Variants in MSH5 observed in about 807,000 individuals in gnomAD.
MSH5 encodes mutS protein homolog 5.
A neutral mutation model predicts 107.7 loss-of-function variants in MSH5; 78 were observed. The observed-to-expected ratio is 0.72, with a 90% CI of 0.60 to 0.87. The LOEUF is 0.87. Ranked by LOEUF, MSH5 falls within the 40% of genes least tolerant of loss-of-function variation. The probability of loss-of-function intolerance (pLI) is 0.00; values close to 1 mark genes in which losing one functional copy is unlikely to be tolerated. For missense variants in MSH5, 889 were observed against 1,046.6 expected (o/e 0.85, Z 2.08); for synonymous variants, 326 against 399.5 (o/e 0.82, Z 2.19).
At chr6:31,746,188 C>G (rs1809449455) in intron 9 of MSH5, 2 of 151,300 alleles carry the variant, frequency 1.3e-5, no homozygotes, top group Admixed American at 6.6e-5. Flanking sequence ...CCTCTGCCTC[C>G]TGGGTTCAAG....
intron 23 of MSH5, 35 bp from the exon 24 acceptor site, chr6:31,762,077 C>A (rs753277990): frequency 1.2e-6 from 2 of 1,613,346 alleles, no homozygotes; most frequent in Admixed American, 1.7e-5. Flanking sequence ...CTTCCCCACT[C>A]CCCTTACTCC....
Position 31,758,048 on chromosome 6 carries a change from T to G in MSH5, c.1015-117T>G. The G allele has an allele frequency of 7.7e-7, 1 of 1,299,430 alleles. No individual in the cohort carries two copies. The highest frequency in any genetic ancestry group is 1.1e-6 in the Non-Finnish European group (1 of 926,050). The allele number at this position is 1,299,430 out of a possible 1,614,324, so 80.5% of individuals were successfully genotyped here. On this transcript the variant is annotated intron_variant, in intron 12 of 24. Coordinates refer to ENST00000375750, the MANE Select transcript of MSH5 (RefSeq NM_172166.4). This position sits in a 1 kb window ranked among gnomAD's most constrained non-coding sequence, Gnocchi z 5.1. Reference sequence around the variant, plus strand: ...ACTGTTTCTTTTTGCCTTTGAGATCTTCCCTCTTTGTTACTGTGATCTTCC... The same window carrying G: ...ACTGTTTCTTTTTGCCTTTGAGATCGTCCCTCTTTGTTACTGTGATCTTCC...
intron 10 of MSH5, among the ~76,000 whole-genome samples, chr6:31,750,137 A>G (rs780789640): frequency 1.3e-5 from 2 of 152,250 alleles, no homozygotes; most frequent in African/African-American, 2.4e-5. Context: ...GGAATCAGAC[A>G]GGGCATGAGA....
At position 31,759,924 on chromosome 6, in the gene MSH5, C is replaced by T; in HGVS notation, c.1634C>T (p.Ser545Leu). Residue 545 changes from serine (S) to leucine (L), a missense_variant, in exon 18 of 25, where the codon TCA becomes TTA. By Grantham distance (145) the Ser-to-Leu change is moderately radical. This residue lies in a region of MSH5 where 362 missense variants were observed against 456.2 expected (regional missense o/e 0.79). Coordinates refer to ENST00000375750, the MANE Select transcript of MSH5 (RefSeq NM_172166.4). The surrounding 1 kb of genome is among the most constrained non-coding windows in gnomAD (Gnocchi z 4.7). ...AGTGCTGCCCGGGACTATGGCTACTCAAGGCCGCGTTACTCCCCACAAGTC... is the reference window on the plus strand; with the variant it reads ...AGTGCTGCCCGGGACTATGGCTACTTAAGGCCGCGTTACTCCCCACAAGTC... ...LASAARDYGY[S>L]RPRYSPQVLG... The T allele has an allele frequency of 6.2e-7, 1 of 1,614,234 alleles. No homozygotes were observed. The highest frequency in any genetic ancestry group is 1.1e-5 in the South Asian group (1 of 91,086).
Position 31,745,295 on chromosome 6 carries a change from C to T in MSH5, c.742C>T (p.Leu248=). The T allele has an allele frequency of 6.2e-7, 1 of 1,613,196 alleles. No individual in the cohort carries two copies. The highest frequency in any genetic ancestry group is 8.5e-7 in the Non-Finnish European group (1 of 1,179,228). ...CTCAGTGTACAAAGTGGCCAGTGGACTGAAGGAGGGGCTCAGCCTCTTTGG... is the reference window on the plus strand; with the variant it reads ...CTCAGTGTACAAAGTGGCCAGTGGATTGAAGGAGGGGCTCAGCCTCTTTGG... The part of the protein sequence containing the change: ...HPSVYKVASG[L]KEGLSLFGIL... Residue 248 remains leucine, a synonymous_variant, in exon 9 of 25, where the codon CTG becomes TTG. Transcript: ENST00000375750.
Position 31,740,543 on chromosome 6 carries a change from G to C in MSH5, c.77G>C (p.Ser26Thr). Residue 26 changes from serine to threonine, a missense_variant, in exon 2 of 25, where the codon AGC becomes ACC. Around this residue, in one of 3 missense-constraint regions of MSH5, gnomAD observed 518 missense variants for 565.0 expected, o/e 0.92. Coordinates refer to ENST00000375750, the MANE Select transcript of MSH5 (RefSeq NM_172166.4). The surrounding 1 kb of genome is among the most constrained non-coding windows in gnomAD (Gnocchi z 4.4). ...GGGGCGGCCTCCTCCGGCTTCCCCAGCCCGGCCCCAGTGCCGGGCCCCAGG... is the reference window on the plus strand; with the variant it reads ...GGGGCGGCCTCCTCCGGCTTCCCCACCCCGGCCCCAGTGCCGGGCCCCAGG... ...RPGAASSGFP[S>T]PAPVPGPREA... The C allele has an allele frequency of 6.5e-7, 1 of 1,532,428 alleles. No individual in the cohort carries two copies. Among genetic ancestry groups the C allele is most frequent in the Non-Finnish European group, 8.8e-7 (1 of 1,140,506 alleles). The allele number at this position is 1,532,428 out of a possible 1,614,324, so 94.9% of individuals were successfully genotyped here. A position where few individuals can be genotyped will look rare whatever the true frequency, so the allele number is the denominator to read the frequency against.
At chr6:31,743,435 T>C in intron 5 of MSH5, 1 of 544,988 alleles carries the variant, frequency 1.8e-6, no homozygotes, top group Non-Finnish European at 3.2e-6. Flanking sequence ...GGACAGGGTT[T>C]TATTGTTGGA....
At chr6:31,747,208 G>A (rs1390137933) in intron 9 of MSH5, among the ~76,000 whole-genome samples, 179 bp from the exon 10 acceptor site, 2 of 152,148 alleles carry the variant, frequency 1.3e-5, no homozygotes, top group African/African-American at 2.4e-5. Flanking sequence ...CTCCATGTAC[G>A]GTAATCCCAG....
chr6:31,760,714 C>A lies in MSH5; in HGVS notation c.1837C>A (p.Leu613Met), dbSNP rs745755479. 1 of 1,613,036 alleles carries A rather than the reference C, an allele frequency of 6.2e-7. No homozygotes were observed. Among genetic ancestry groups the A allele is most frequent in the South Asian group, 1.1e-5 (1 of 91,084 alleles). Reference sequence around the variant, plus strand: ...GGTAGGCTTGATCACATTCATGGCCCTGGTAGGCAGCTTTGTGCCAGCAGA... The same window carrying A: ...GGTAGGCTTGATCACATTCATGGCCATGGTAGGCAGCTTTGTGCCAGCAGA... The part of the protein sequence containing the change: ...KQVGLITFMA[L>M]VGSFVPAEEA... The change falls in exon 20 of 25, where the codon CTG becomes ATG. Residue 613 changes from leucine to methionine, a missense_variant. Transcript: ENST00000375750. This position sits in a 1 kb window ranked among gnomAD's most constrained non-coding sequence, Gnocchi z 5.6.
rs748420698 is a variant in MSH5, at chr6:31,753,386, CTG to C, written c.899_900del (p.Leu300ArgfsTer69). ...TCAGTTTTTTCTGCTGCCCCAGAATCTGGACATGGCTCAGATGCTGCATCGGC... is the reference window on the plus strand; with the variant it reads ...TCAGTTTTTTCTGCTGCCCCAGAATCGACATGGCTCAGATGCTGCATCGGC... ...VIQFFLLPQNLDMAQMLHRLL... is the reference protein window; with the variant it reads ...VIQFFLLPQNXDMAQMLHRLL... On this transcript the variant is annotated frameshift_variant, in exon 11 of 25. Coordinates refer to ENST00000375750, the MANE Select transcript of MSH5 (RefSeq NM_172166.4). LOFTEE classifies it high-confidence loss of function. The C allele has an allele frequency of 9.9e-6, 16 of 1,614,094 alleles. No homozygotes were observed.
intron 3 of MSH5, 21 bp from the exon 4 acceptor site, chr6:31,742,856 G>T: frequency 6.2e-7 from 1 of 1,611,426 alleles, no homozygotes; most frequent in Non-Finnish European, 8.5e-7. Flanking sequence ...TAACTCATTT[G>T]ATCTCTGTTC....
rs891960075 is a variant in MSH5 at position 31,740,180 on chromosome 6, G to C, written c.-14+118G>C. 1.7e-5 allele frequency: 6 copies of C among 351,616 alleles called. No individual in the cohort carries two copies. The highest frequency in any genetic ancestry group is 7.5e-4 in the Middle Eastern group (1 of 1,338). The allele number at this position is 351,616 out of a possible 1,614,324, so 21.8% of individuals were successfully genotyped here. A position where few individuals can be genotyped will look rare whatever the true frequency, so the allele number is the denominator to read the frequency against. On this transcript the variant is annotated intron_variant, in intron 1 of 24. Coordinates refer to ENST00000375750, the MANE Select transcript of MSH5 (RefSeq NM_172166.4). This position sits in a 1 kb window ranked among gnomAD's most constrained non-coding sequence, Gnocchi z 4.4. ...AGAGGCAGAGACATAAGACGTGCAC[G>C]ACTCGCCCCACAGGGCCCTCAGACC...
chr6:31,759,585 T>A lies in MSH5; in HGVS notation c.1495+73T>A. 10 of 1,369,586 alleles carry A rather than the reference T, an allele frequency of 7.3e-6. No homozygotes were observed. Among genetic ancestry groups the A allele is most frequent in the African/African-American group, 1.4e-5 (1 of 69,920 alleles). 84.8% of individuals were successfully genotyped at this position (1,369,586 alleles called of 1,614,324 possible). A position where few individuals can be genotyped will look rare whatever the true frequency, so the allele number is the denominator to read the frequency against. ...GCAGCAGCCAGGGGAAGGAGGGGAG[T>A]GGGCAACTTGGGGATGCTTCCAACA... On this transcript the variant is annotated intron_variant, in intron 17 of 24. Transcript: ENST00000375750. The surrounding 1 kb of genome is among the most constrained non-coding windows in gnomAD (Gnocchi z 4.7).
Position 31,740,160 on chromosome 6 carries a change from C to CA in MSH5, c.-14+99dup, listed in dbSNP as rs1808704719. The stretch of plus-strand genomic sequence containing the variant: ...GGTCCTGGCGCGTGGTTGGCAGAGG[C>CA]AGAGACATAAGACGTGCACGACTCG... On this transcript the variant is annotated intron_variant, in intron 1 of 24. Transcript: ENST00000375750. This position sits in a 1 kb window ranked among gnomAD's most constrained non-coding sequence, Gnocchi z 4.4. 3.4e-6 allele frequency: 1 copy of CA among 295,612 alleles called. No individual in the cohort carries two copies. Among genetic ancestry groups the CA allele is most frequent in the Admixed American group, 5.1e-5 (1 of 19,694 alleles). The allele number at this position is 295,612 out of a possible 1,614,324, so 18.3% of individuals were successfully genotyped here. A position where few individuals can be genotyped will look rare whatever the true frequency, so the allele number is the denominator to read the frequency against.
At chr6:31,762,358 C>A in intron 24 of MSH5, 62 bp from the exon 25 acceptor site, 1 of 1,391,640 alleles carries the variant, frequency 7.2e-7, no homozygotes, top group Non-Finnish European at 1.0e-6. Context: ...AGCCTCTCCC[C>A]TCTGCCCAGG....
Position 31,742,460 on chromosome 6 carries a change from G to T in MSH5, c.272-417G>T, listed in dbSNP as rs574365767. 5.9e-5 allele frequency among the ~76,000 whole-genome samples: 9 copies of T among 152,296 alleles called. No homozygotes were observed. The East Asian group carries it at 1.7e-3, about 29-fold the overall frequency. Reference sequence around the variant, plus strand: ...TTTAGTAGAGGCAGGGTTTCACCACGTTGGCTAGGCTTGTCTTGAGCTCCT... The same window carrying T: ...TTTAGTAGAGGCAGGGTTTCACCACTTTGGCTAGGCTTGTCTTGAGCTCCT... On this transcript the variant is annotated intron_variant, in intron 3 of 24. Coordinates refer to ENST00000375750, the MANE Select transcript of MSH5 (RefSeq NM_172166.4).
chr6:31,741,976 G>A (rs558653739), intron 3 of MSH5, among the ~76,000 whole-genome samples: 6 of 152,072 alleles, frequency 3.9e-5, no homozygotes, highest in Non-Finnish European at 8.8e-5. Context: ...CTAATAGAGT[G>A]AGAACCTCTC....
At chr6:31,752,145 T>G (rs1431280041) in intron 10 of MSH5, among the ~76,000 whole-genome samples, 1 of 148,134 alleles carries the variant, frequency 6.8e-6, no homozygotes, top group Non-Finnish European at 1.5e-5. Context: ...ATCAGCCAAT[T>G]TAAGAATAAG....
chr6:31,752,847 AT>A (rs1302400748), intron 10 of MSH5, among the ~76,000 whole-genome samples: 1 of 152,128 alleles, frequency 6.6e-6, no homozygotes, highest in East Asian at 1.9e-4. Flanking sequence ...TGGGACAGTT[AT>A]GTTTTCACAG....
Sources: gnomAD v4.1 joint callset for allele counts (sites outside exome capture counted in the v4.1 genomes callset) on GRCh38, gnomAD v4.1.1 for gene constraint, gnomAD v4.1.1 regional missense constraint, Gnocchi (gnomAD v3.1) non-coding constraint, MANE v1.5 for transcripts, NCBI Gene and HGNC (gene_info 2026-07-23, HGNC 2026-07-21) for gene names.